Variants in CNOT9 observed in about 807,000 individuals in gnomAD.
CNOT9 encodes the protein RCD1 required for cell differentiation1 homolog.
Under a neutral mutation model 37.4 loss-of-function variants are expected in CNOT9, and 8 were observed. The observed-to-expected ratio is 0.21, with a 90% confidence interval of 0.13 to 0.39. CNOT9 has a LOEUF of 0.39. Ranked by LOEUF, CNOT9 falls within the 10% of genes least tolerant of loss-of-function variation. The pLI, the probability that CNOT9 is intolerant of heterozygous loss-of-function variation, is 1.00. For synonymous variants in CNOT9, 120 were observed against 137.6 expected (o/e 0.87, Z 0.90); for missense variants, 154 against 365.3 (o/e 0.42, Z 4.71).
At chr2:218,569,005 A>G in intron 1 of CNOT9, 27 bp downstream of exon 1, 3 of 1,610,734 alleles carry the variant, frequency 1.9e-6, no homozygotes, top group Non-Finnish European at 2.5e-6. Flanking sequence ...CCAGGCTTGG[A>G]ACCAGAATCC....
At chr2:218,578,653 C>T (rs913322297) in intron 1 of CNOT9, among the ~76,000 whole-genome samples, 2 of 152,102 alleles carry the variant, frequency 1.3e-5, no homozygotes, top group Admixed American at 1.3e-4. Context: ...TAGCCTTCCC[C>T]CCCGCCTCCC....
chr2:218,595,452 A>G lies in CNOT9; in HGVS notation c.*1176A>G, dbSNP rs577316535. Reference sequence around the variant, plus strand: ...TTTTTTGACCATTCTCTTTTAGTCTATGGGAATTACAGGGTTGCCGCTAAA... The same window carrying G: ...TTTTTTGACCATTCTCTTTTAGTCTGTGGGAATTACAGGGTTGCCGCTAAA... On this transcript the variant is annotated 3_prime_UTR_variant, in exon 8 of 8. Coordinates refer to ENST00000273064, the MANE Select transcript of CNOT9 (RefSeq NM_005444.3). 3.1e-5 allele frequency: 2 copies of G among 63,928 alleles called. No homozygotes were observed. The highest frequency in any genetic ancestry group is 6.9e-4 in the East Asian group (1 of 1,444). 4.0% of individuals were successfully genotyped at this position (63,928 alleles called of 1,614,324 possible). A position where few individuals can be genotyped will look rare whatever the true frequency, so the allele number is the denominator to read the frequency against.
intron 1 of CNOT9, among the ~76,000 whole-genome samples, chr2:218,579,459 GTC>G (rs898129495): frequency 6.6e-6 from 1 of 152,120 alleles, no homozygotes; most frequent in African/African-American, 2.4e-5. Context: ...TATTTAACCA[GTC>G]TCTTAGTGAG....
chr2:218,577,051 G>A (rs1694193570), intron 1 of CNOT9, among the ~76,000 whole-genome samples: 1 of 151,946 alleles, frequency 6.6e-6, no homozygotes, highest in Non-Finnish European at 1.5e-5. Flanking sequence ...TTAAAAGTGT[G>A]GGCTCTGTTG....
At chr2:218,588,588 C>CTGTTGTTTT (rs1694671490) in intron 5 of CNOT9, among the ~76,000 whole-genome samples, 1 of 33,450 alleles carries the variant, frequency 3.0e-5, no homozygotes, top group Non-Finnish European at 4.8e-5. Context: ...TCCACCCGGC[C>CTGTTGTTTT]TTTTTTTTTT....
intron 7 of CNOT9, chr2:218,593,588 C>A: frequency 6.7e-7 from 1 of 1,494,522 alleles, no homozygotes; most frequent in Non-Finnish European, 8.9e-7. Flanking sequence ...TTTAAAAGTT[C>A]ATCTGATAAT....
At position 218,576,442 on chromosome 2, in the gene CNOT9, G is replaced by A. The variant is rs560969142; in HGVS notation, c.25-4119G>A. Among the ~76,000 whole-genome samples, 7 of 152,278 alleles carry A rather than the reference G, an allele frequency of 4.6e-5. No individual in the cohort carries two copies. The South Asian group carries it at 1.5e-3, about 32-fold the overall frequency. On this transcript the variant is annotated intron_variant, in intron 1 of 7. Transcript: ENST00000273064. ...TTATGCCCCATCTGATCCATAATGT[G>A]ACACAGGGAACTATGTGAAACTATT...
At chr2:218,587,019 T>A (rs1298183632) in intron 4 of CNOT9, among the ~76,000 whole-genome samples, 1 of 152,180 alleles carries the variant, frequency 6.6e-6, no homozygotes, top group African/African-American at 2.4e-5. Context: ...CAAGGCAGTG[T>A]AATACTGGAG....
At chr2:218,576,700 G>A (rs1694181959) in intron 1 of CNOT9, among the ~76,000 whole-genome samples, 2 of 152,116 alleles carry the variant, frequency 1.3e-5, no homozygotes. Context: ...GAGCACAGTC[G>A]CTTATACCTG....
Position 218,592,696 on chromosome 2 carries a change from A to G in CNOT9, c.720A>G (p.Ser240=), listed in dbSNP as rs1694819420. ...TAGTGAGATGTTACCTTCGACTTTC[A>G]GATAACCCCAGGTAAACATTTATAG... is the stretch of plus-strand genomic sequence containing the variant. ...KHVVRCYLRL[S]DNPRAREALR... The change falls in exon 7 of 8, where the codon TCA becomes TCG. Residue 240 remains serine (S), a synonymous_variant. Transcript: ENST00000273064. This position sits in a 1 kb window ranked among gnomAD's most constrained non-coding sequence, Gnocchi z 4.1. 6.2e-7 allele frequency: 1 copy of G among 1,613,566 alleles called. No homozygotes were observed. The highest frequency in any genetic ancestry group is 1.1e-5 in the South Asian group (1 of 91,064).
chr2:218,580,896 A>G lies in CNOT9; in HGVS notation c.204+156A>G, dbSNP rs970354661. 6 of 743,268 alleles carry G rather than the reference A, an allele frequency of 8.1e-6. No homozygotes were observed. The African/African-American group carries it at 1.1e-4, about 13-fold the overall frequency. The allele number at this position is 743,268 out of a possible 1,614,324, so 46.0% of individuals were successfully genotyped here. On this transcript the variant is annotated intron_variant, in intron 2 of 7. Coordinates refer to ENST00000273064, the MANE Select transcript of CNOT9 (RefSeq NM_005444.3). ...TTAGAAAGGTCTGAGGTATTTGTTA[A>G]AATGCAGATTCTTGGATCCTTACCC... is the stretch of plus-strand genomic sequence containing the variant.
Position 218,596,282 on chromosome 2 carries a change from T to A in CNOT9, c.*2006T>A, listed in dbSNP as rs982100106. ...GCTGGCCTTGGAACCCACATAGGAG[T>A]TGGTGGGGGAGGGATGGAATGGGTA... On this transcript the variant is annotated 3_prime_UTR_variant, in exon 8 of 8. Transcript: ENST00000273064. The A allele has an allele frequency of 1.4e-4, 22 of 151,956 alleles. No individual in the cohort carries two copies. The highest frequency in any genetic ancestry group is 5.3e-4 in the African/African-American group (22 of 41,338). 9.4% of individuals were successfully genotyped at this position (151,956 alleles called of 1,614,324 possible). A position where few individuals can be genotyped will look rare whatever the true frequency, so the allele number is the denominator to read the frequency against.
intron 2 of CNOT9, among the ~76,000 whole-genome samples, chr2:218,581,405 C>T (rs1359915061): frequency 2.0e-5 from 3 of 151,186 alleles, no homozygotes; most frequent in East Asian, 1.9e-4. Flanking sequence ...CTCCTGACCT[C>T]GTGATCCACC....
At position 218,580,756 on chromosome 2, in the gene CNOT9, T is replaced by C. The variant is rs138953648; in HGVS notation, c.204+16T>C. 3 of 1,606,784 alleles carry C rather than the reference T, an allele frequency of 1.9e-6. No homozygotes were observed. Among genetic ancestry groups the C allele is most frequent in the African/African-American group, 2.7e-5 (2 of 74,910 alleles). The stretch of plus-strand genomic sequence containing the variant: ...ACTTTTACAGGTGGGTTCATGTCCA[T>C]GATTGGCAGTTCAGTTCTTTTCATT... On this transcript the variant is annotated intron_variant, in intron 2 of 7. Coordinates refer to ENST00000273064, the MANE Select transcript of CNOT9 (RefSeq NM_005444.3).
At chr2:218,577,976 A>G (rs1027824466) in intron 1 of CNOT9, among the ~76,000 whole-genome samples, 10 of 152,222 alleles carry the variant, frequency 6.6e-5, no homozygotes, top group African/African-American at 2.2e-4. Flanking sequence ...AAGGTGATGT[A>G]ATATTCTAAA....
chr2:218,588,075 G>A (rs773574585), intron 5 of CNOT9, among the ~76,000 whole-genome samples: 10 of 152,076 alleles, frequency 6.6e-5, no homozygotes, highest in Non-Finnish European at 1.2e-4. Flanking sequence ...ACATGACAAG[G>A]TACAGAATTC....
At chr2:218,575,009 A>G (rs1381611705) in intron 1 of CNOT9, among the ~76,000 whole-genome samples, 3 of 152,148 alleles carry the variant, frequency 2.0e-5, no homozygotes, top group African/African-American at 2.4e-5. Context: ...GAACTAAATA[A>G]TTTCTAAGAT....
chr2:218,582,745 AT>A (rs1405016255), intron 2 of CNOT9, among the ~76,000 whole-genome samples: 3 of 152,168 alleles, frequency 2.0e-5, no homozygotes, highest in Admixed American at 6.5e-5. Context: ...AAAAAAAAAA[AT>A]CTTCCTAGAG....
chr2:218,570,411 A>T (rs890211654), intron 1 of CNOT9, among the ~76,000 whole-genome samples: 4 of 152,252 alleles, frequency 2.6e-5, no homozygotes, highest in Non-Finnish European at 4.4e-5. Context: ...CTCCATTGTC[A>T]GTTCCAGTGC....
Sources: gnomAD v4.1 joint callset for allele counts (sites outside exome capture counted in the v4.1 genomes callset) on GRCh38, gnomAD v4.1.1 for gene constraint, Gnocchi (gnomAD v3.1) non-coding constraint, MANE v1.5 for transcripts, NCBI Gene and HGNC (gene_info 2026-07-23, HGNC 2026-07-21) for gene names.